SCN8A: variants seen among roughly 807,000 people sequenced by gnomAD.
SCN8A encodes sodium voltage-gated channel alpha subunit 8, also known as sodium channel protein type 8 subunit alpha.
A neutral mutation model predicts 184.1 loss-of-function variants in SCN8A; 30 were observed. That is an observed-to-expected ratio of 0.16 (90% CI 0.12 to 0.22). The LOEUF is 0.22. Among genes scored for constraint, SCN8A ranks in the 10% least tolerant of loss-of-function variants. The pLI is 1.00. For synonymous variants in SCN8A, 852 were observed against 907.0 expected (o/e 0.94, Z 1.09); for missense variants, 1,057 against 2,498.9 (o/e 0.42, Z 12.30).
intron 1 of SCN8A, among the ~76,000 whole-genome samples, chr12:51,595,948 G>T (rs1271593735): frequency 6.6e-6 from 1 of 152,172 alleles, no homozygotes; most frequent in Non-Finnish European, 1.5e-5. Context: ...CAGTGCAAAT[G>T]TGGTTACCAA....
chr12:51,625,066 A>G (rs2138604297), intron 1 of SCN8A, among the ~76,000 whole-genome samples: 1 of 152,120 alleles, frequency 6.6e-6, no homozygotes, highest in African/African-American at 2.4e-5. Flanking sequence ...CTTAAAGTTC[A>G]CTCTTTGTAA....
chr12:51,711,841 TTATC>T (rs1707854299), intron 11 of SCN8A, among the ~76,000 whole-genome samples: 1 of 152,146 alleles, frequency 6.6e-6, no homozygotes, highest in South Asian at 2.1e-4. Context: ...AACACACAAA[TTATC>T]TATTCTCTCC....
At position 51,751,429 on chromosome 12, in the gene SCN8A, C is replaced by T. The variant is rs1325025211; in HGVS notation, c.2206C>T (p.His736Tyr). 1 of 1,613,906 alleles carries T rather than the reference C, an allele frequency of 6.2e-7. No homozygotes were observed. The highest frequency in any genetic ancestry group is 8.5e-7 in the Non-Finnish European group (1 of 1,179,860). ...CAACACTTTCCTCATCTGGGAGTGC[C>T]ACCCCTACTGGATAAAACTGAAAGA... ...FANTFLIWEC[H>Y]PYWIKLKEIV... Residue 736 changes from histidine (H) to tyrosine (Y), a missense_variant, in exon 14 of 27, where the codon CAC becomes TAC. His to Tyr is a moderately conservative substitution (Grantham distance 83). Transcript: ENST00000627620.
intron 11 of SCN8A, chr12:51,712,424 T>C: frequency 1.3e-6 from 1 of 760,540 alleles, no homozygotes; most frequent in South Asian, 1.4e-5. Flanking sequence ...CTCCTCGCGC[T>C]CTCTCCTGCT....
chr12:51,648,619 A>G (rs1471594375), intron 1 of SCN8A, among the ~76,000 whole-genome samples: 6 of 152,194 alleles, frequency 3.9e-5, no homozygotes, highest in Non-Finnish European at 8.8e-5. Context: ...AAGATGCAAA[A>G]GCGGAAACCC....
chr12:51,745,814 C>T (rs1367502408), intron 12 of SCN8A, 89 bp from the exon 13 acceptor site: 7 of 1,052,710 alleles, frequency 6.6e-6, no homozygotes, highest in Admixed American at 3.1e-5. Context: ...TAATGAAGAT[C>T]ACACACTGGA....
chr12:51,711,004 CTT>C (rs56157308), intron 11 of SCN8A, among the ~76,000 whole-genome samples: 117,335 of 152,004 alleles, frequency 0.77, 47,167 homozygotes, highest in East Asian at 0.9. Context: ...GAATGCAAGA[CTT>C]TTAGAAATTT....
chr12:51,721,119 T>TA (rs1942051718), intron 11 of SCN8A, among the ~76,000 whole-genome samples: 39 of 103,532 alleles, frequency 3.8e-4, no homozygotes, highest in South Asian at 8.0e-4. Flanking sequence ...TATTTATTTA[T>TA]TGTTATATAT....
intron 1 of SCN8A, among the ~76,000 whole-genome samples, chr12:51,652,038 A>G (rs1000424446): frequency 9.9e-5 from 15 of 152,212 alleles, no homozygotes; most frequent in African/African-American, 2.9e-4. Context: ...GAGAAAAAAA[A>G]TCATTCCCTT....
At position 51,807,364 on chromosome 12, in the gene SCN8A, C is replaced by A; in HGVS notation, c.5878C>A (p.Arg1960=). 1 of 1,613,462 alleles carries A rather than the reference C, an allele frequency of 6.2e-7. No homozygotes were observed. The highest frequency in any genetic ancestry group is 8.5e-7 in the Non-Finnish European group (1 of 1,179,710). ...TAAACCTGAAAAGGAGAAACAGCAG[C>A]GGGCAGAGGAAGGAAGAAGGGAAAG... ...VTKPEKEKQQ[R]AEEGRRERAK... The change falls in exon 27 of 27, where the codon CGG becomes AGG. Residue 1960 remains arginine, a synonymous_variant. Coordinates refer to ENST00000627620, the MANE Select transcript of SCN8A (RefSeq NM_001330260.2). The surrounding 1 kb of genome is among the most constrained non-coding windows in gnomAD (Gnocchi z 4.5).
chr12:51,761,881 CA>C (rs1942767934), intron 14 of SCN8A, among the ~76,000 whole-genome samples: 1 of 151,260 alleles, frequency 6.6e-6, no homozygotes, highest in South Asian at 2.1e-4. Context: ...AAATCAGACC[CA>C]AGATATTATG....
At chr12:51,594,038 A>G (rs1260650245) in intron 1 of SCN8A, among the ~76,000 whole-genome samples, 1 of 152,210 alleles carries the variant, frequency 6.6e-6, no homozygotes, top group Admixed American at 6.5e-5. Context: ...TGGGAAAGGC[A>G]CTTGACACAG....
At chr12:51,650,708 G>A (rs922439177) in intron 1 of SCN8A, among the ~76,000 whole-genome samples, 4 of 152,218 alleles carry the variant, frequency 2.6e-5, no homozygotes, top group Admixed American at 2.6e-4. Flanking sequence ...GGGTTTACCG[G>A]AATGAGGGCA....
At chr12:51,707,324 AG>A (rs1399447764) in intron 11 of SCN8A, among the ~76,000 whole-genome samples, 1 of 152,138 alleles carries the variant, frequency 6.6e-6, no homozygotes, top group East Asian at 1.9e-4. Flanking sequence ...AAATATATAA[AG>A]GGGAGTTTAT....
At chr12:51,738,958 C>G (rs1446520002) in intron 12 of SCN8A, among the ~76,000 whole-genome samples, 1 of 152,148 alleles carries the variant, frequency 6.6e-6, no homozygotes, top group East Asian at 1.9e-4. Flanking sequence ...GCTGGAAATG[C>G]CCTGGTTTAG....
chr12:51,641,212 A>G (rs895046479), intron 1 of SCN8A, among the ~76,000 whole-genome samples: 10 of 152,240 alleles, frequency 6.6e-5, no homozygotes, highest in African/African-American at 1.9e-4. Flanking sequence ...TATTTAAAGT[A>G]TATAGGAGGC....
At chr12:51,765,346 G>A (rs1373318445) in intron 15 of SCN8A, among the ~76,000 whole-genome samples, 4 of 151,980 alleles carry the variant, frequency 2.6e-5, no homozygotes, top group Non-Finnish European at 5.9e-5. Flanking sequence ...AGAAGTCAAG[G>A]GAAAATTAGT....
At chr12:51,754,319 ACTT>A (rs1942639518) in intron 14 of SCN8A, among the ~76,000 whole-genome samples, 1 of 94,970 alleles carries the variant, frequency 1.1e-5, no homozygotes, top group Non-Finnish European at 2.2e-5. Context: ...AGTACAAAAA[ACTT>A]CTTTTTTTTT....
At chr12:51,761,042 A>G (rs1942755047) in intron 14 of SCN8A, among the ~76,000 whole-genome samples, 1 of 152,228 alleles carries the variant, frequency 6.6e-6, no homozygotes. Context: ...GGTAGTTACA[A>G]GTACTAATAT....
Sources: allele counts gnomAD v4.1 joint callset (sites outside exome capture counted in the v4.1 genomes callset), GRCh38; gene constraint gnomAD v4.1.1; non-coding constraint Gnocchi (gnomAD v3.1); transcripts MANE v1.5; gene names NCBI Gene and HGNC (gene_info 2026-07-23, HGNC 2026-07-21).